XPR1: variants seen among roughly 807,000 people sequenced by gnomAD.
The protein encoded by XPR1 is xenotropic and polytropic retrovirus receptor 1.
A neutral mutation model predicts 87.5 loss-of-function variants in XPR1; 28 were observed. That is an observed-to-expected ratio of 0.32 (90% CI 0.24 to 0.44). XPR1 has a LOEUF of 0.44. Among genes scored for constraint, XPR1 ranks in the 20% least tolerant of loss-of-function variants. XPR1 has a pLI of 1.00. For synonymous variants in XPR1, 300 were observed against 306.1 expected (o/e 0.98, Z 0.21); for missense variants, 559 against 862.3 (o/e 0.65, Z 4.41).
At chr1:180,797,105 A>C (rs1009926543) in intron 3 of XPR1, among the ~76,000 whole-genome samples, 1 of 152,210 alleles carries the variant, frequency 6.6e-6, no homozygotes, top group Non-Finnish European at 1.5e-5. Context: ...GCACAACTCT[A>C]TAAATTTACT....
At chr1:180,726,779 ATACT>A (rs1410610686) in intron 2 of XPR1, among the ~76,000 whole-genome samples, 2 of 152,230 alleles carry the variant, frequency 1.3e-5, no homozygotes, top group African/African-American at 2.4e-5. Context: ...GGTAGAGGGA[ATACT>A]TATTTTTGTA....
intron 1 of XPR1, among the ~76,000 whole-genome samples, chr1:180,640,105 A>C (rs114872945): frequency 6.6e-6 from 1 of 152,220 alleles, no homozygotes; most frequent in Non-Finnish European, 1.5e-5. Context: ...ATGATTTATT[A>C]TCTCCATTTT....
intron 2 of XPR1, among the ~76,000 whole-genome samples, chr1:180,733,563 C>A (rs1232546980): frequency 1.3e-5 from 2 of 152,150 alleles, no homozygotes; most frequent in African/African-American, 4.8e-5. Flanking sequence ...AAGGGTTTGT[C>A]AGCAATAGAT....
chr1:180,846,261 C>CA (rs35729459), intron 11 of XPR1, among the ~76,000 whole-genome samples: 80,252 of 127,996 alleles, frequency 0.63, 24,403 homozygotes, highest in Non-Finnish European at 0.65. Flanking sequence ...GACTTCATCT[C>CA]AAAAAAAAAA....
chr1:180,654,248 C>A (rs1655379266), intron 1 of XPR1, among the ~76,000 whole-genome samples: 1 of 152,062 alleles, frequency 6.6e-6, no homozygotes, highest in Admixed American at 6.6e-5. Context: ...TCTGCCCCAT[C>A]ACTCTACTAA....
intron 2 of XPR1, among the ~76,000 whole-genome samples, chr1:180,711,763 C>G (rs1366808376): frequency 6.6e-6 from 1 of 152,172 alleles, no homozygotes; most frequent in Non-Finnish European, 1.5e-5. Flanking sequence ...TTGGTCAAAT[C>G]TTATAATTCT....
At chr1:180,666,695 T>G (rs992414258) in intron 1 of XPR1, among the ~76,000 whole-genome samples, 5 of 152,336 alleles carry the variant, frequency 3.3e-5, no homozygotes, top group African/African-American at 9.6e-5. Flanking sequence ...TCAGCTACTT[T>G]GCTGAATTCA....
At chr1:180,644,948 G>A (rs1655064615) in intron 1 of XPR1, among the ~76,000 whole-genome samples, 1 of 151,900 alleles carries the variant, frequency 6.6e-6, no homozygotes, top group Non-Finnish European at 1.5e-5. Context: ...AAAGTGTGTT[G>A]CTTATGTTCA....
chr1:180,807,441 A>C (rs1650040545), intron 6 of XPR1, among the ~76,000 whole-genome samples: 1 of 152,232 alleles, frequency 6.6e-6, no homozygotes, highest in South Asian at 2.1e-4. Flanking sequence ...AAAAATGTTA[A>C]AGCAATGCTG....
At position 180,798,967 on chromosome 1, in the gene XPR1, T is replaced by G. The variant is rs116587377; in HGVS notation, c.224-4421T>G. Reference sequence around the variant, plus strand: ...TTGGTCATGGAAGTAATGGGAGGTGTTCCAGAATCTCCTGGGTTCCAGAGC... The same window carrying G: ...TTGGTCATGGAAGTAATGGGAGGTGGTCCAGAATCTCCTGGGTTCCAGAGC... On this transcript the variant is annotated intron_variant, in intron 3 of 14. Transcript: ENST00000367590. 5.8e-3 allele frequency among the ~76,000 whole-genome samples: 888 copies of G among 152,290 alleles called. 2 individuals are homozygous for G. The highest frequency in any genetic ancestry group is 8.0e-3 in the Non-Finnish European group (547 of 68,020).
intron 11 of XPR1, among the ~76,000 whole-genome samples, chr1:180,853,799 T>TTGG (rs1651949326): frequency 6.8e-6 from 1 of 146,412 alleles, no homozygotes; most frequent in African/African-American, 2.7e-5. Context: ...TGGTTTTTTT[T>TTGG]TTTTTTTTTT....
At chr1:180,670,959 A>G (rs1656149973) in intron 1 of XPR1, among the ~76,000 whole-genome samples, 2 of 152,170 alleles carry the variant, frequency 1.3e-5, no homozygotes, top group Admixed American at 6.6e-5. Flanking sequence ...TAAGATTTAC[A>G]AGATGGATTA....
chr1:180,877,467 G>T (rs1652699650), intron 13 of XPR1, among the ~76,000 whole-genome samples: 2 of 152,124 alleles, frequency 1.3e-5, no homozygotes, highest in Admixed American at 1.3e-4. Flanking sequence ...GAGTCAACTG[G>T]ATATCCATAT....
At chr1:180,827,344 A>G (rs186791962) in intron 9 of XPR1, among the ~76,000 whole-genome samples, 63 of 152,186 alleles carry the variant, frequency 4.1e-4, no homozygotes, top group African/African-American at 1.3e-3. Flanking sequence ...AGGTTTTACT[A>G]TGATTACGTA....
chr1:180,706,049 T>A (rs562555311), intron 2 of XPR1, among the ~76,000 whole-genome samples: 6 of 152,260 alleles, frequency 3.9e-5, no homozygotes, highest in African/African-American at 1.4e-4. Context: ...CAGGGAAGAT[T>A]TAGTAGAACA....
intron 14 of XPR1, among the ~76,000 whole-genome samples, chr1:180,883,480 G>A (rs1424219637): frequency 2.6e-5 from 4 of 152,072 alleles, no homozygotes; most frequent in African/African-American, 4.8e-5. Flanking sequence ...AGGCCAAGGC[G>A]GGCAGATTAC....
intron 3 of XPR1, among the ~76,000 whole-genome samples, chr1:180,799,448 G>A (rs752749182): frequency 1.3e-5 from 2 of 152,118 alleles, no homozygotes; most frequent in South Asian, 2.1e-4. Context: ...ATCTATTTCT[G>A]GGTATATAGT....
chr1:180,831,697 T>C (rs989454678), intron 9 of XPR1, among the ~76,000 whole-genome samples: 1 of 152,142 alleles, frequency 6.6e-6, no homozygotes, highest in African/African-American at 2.4e-5. Context: ...CTTTCCAGCT[T>C]CATCCATGTC....
chr1:180,840,050 C>G (rs938394880), intron 11 of XPR1, among the ~76,000 whole-genome samples: 1 of 151,262 alleles, frequency 6.6e-6, no homozygotes, highest in East Asian at 1.9e-4. Flanking sequence ...GGTGAAACCC[C>G]GTCTCTACTA....
Sources: gnomAD v4.1 joint callset for allele counts (sites outside exome capture counted in the v4.1 genomes callset) on GRCh38, gnomAD v4.1.1 for gene constraint, MANE v1.5 for transcripts, NCBI Gene and HGNC (gene_info 2026-07-23, HGNC 2026-07-21) for gene names.